Variants in GGNBP2 observed in about 807,000 individuals in gnomAD.
The protein encoded by GGNBP2 is gametogenetin-binding protein 2.
In GGNBP2, 10 loss-of-function variants were observed where a neutral mutation model predicts 85.9. The ratio of observed to expected loss-of-function variants is 0.12; its 90% CI spans 0.07 to 0.20. The LOEUF (loss-of-function observed/expected upper bound fraction) is 0.20. Ranked by LOEUF, GGNBP2 falls within the 10% of genes least tolerant of loss-of-function variation. The probability of loss-of-function intolerance (pLI) is 1.00; values close to 1 mark genes in which losing one functional copy is unlikely to be tolerated. For missense variants in GGNBP2, 595 were observed against 857.8 expected (o/e 0.69, Z 3.83); for synonymous variants, 287 against 285.7 (o/e 1.00, Z -0.05).
chr17:36,555,730 T>A (rs2074355021), intron 3 of GGNBP2, among the ~76,000 whole-genome samples: 1 of 152,212 alleles, frequency 6.6e-6, no homozygotes, highest in South Asian at 2.1e-4. Context: ...ATGTAACCTC[T>A]GCACATCCTC....
Position 36,557,188 on chromosome 17 carries a change from C to T in GGNBP2, c.280C>T (p.Arg94Cys). ...GCTTGTCCCATGTGTTGGTTGTCGTCGCAGTGTGGAGCGTCTCTTTTCCCA... is the reference window on the plus strand; with the variant it reads ...GCTTGTCCCATGTGTTGGTTGTCGTTGCAGTGTGGAGCGTCTCTTTTCCCA... ...SQLVPCVGCRRSVERLFSQLV... is the reference protein window; with the variant it reads ...SQLVPCVGCRCSVERLFSQLV... Residue 94 changes from arginine to cysteine, a missense_variant, in exon 4 of 14, where the codon CGC (arginine) becomes TGC (cysteine). Transcript: ENST00000613102. 1 of 1,614,072 alleles carries T rather than the reference C, an allele frequency of 6.2e-7. No individual in the cohort carries two copies. Among genetic ancestry groups the T allele is most frequent in the Non-Finnish European group, 8.5e-7 (1 of 1,180,020 alleles).
chr17:36,560,686 G>A, intron 4 of GGNBP2, 87 bp from the exon 5 acceptor site: 1 of 755,158 alleles, frequency 1.3e-6, no homozygotes, highest in Non-Finnish European at 2.1e-6. Flanking sequence ...TTTGTTTTGA[G>A]ACTTCTCTCT....
At chr17:36,577,894 A>G (rs762850198) in intron 6 of GGNBP2, 89 bp from the exon 7 acceptor site, 4 of 955,852 alleles carry the variant, frequency 4.2e-6, no homozygotes, top group South Asian at 4.0e-5. Context: ...TGTAGATGGG[A>G]GAGAGTGCCA....
chr17:36,577,770 A>G (rs2074606477), intron 6 of GGNBP2: 2 of 590,246 alleles, frequency 3.4e-6, no homozygotes, highest in South Asian at 4.1e-5. Context: ...GTGTTTCTCT[A>G]GTTTAAAAAT....
chr17:36,555,359 G>A lies in GGNBP2; in HGVS notation c.174+459G>A, dbSNP rs117259234. The stretch of plus-strand genomic sequence containing the variant: ...TCAGTATCCGTGGGGGATAGTTCAA[G>A]GATCCCTAGGCAAACCAAAATCCAC... On this transcript the variant is annotated intron_variant, in intron 3 of 13. Coordinates refer to ENST00000613102, the MANE Select transcript of GGNBP2 (RefSeq NM_024835.5). 8.3e-3 allele frequency among the ~76,000 whole-genome samples: 1,261 copies of A among 152,202 alleles called. 8 individuals are homozygous for A. Among genetic ancestry groups the A allele is most frequent in the Admixed American group, 0.011 (171 of 15,274 alleles).
At chr17:36,554,352 ATTTTTTTTTT>A (rs780217291) in intron 2 of GGNBP2, among the ~76,000 whole-genome samples, 10 of 44,504 alleles carry the variant, frequency 2.2e-4, no homozygotes, top group African/African-American at 7.7e-4. Flanking sequence ...ATGTACTTGA[ATTTTTTTTTT>A]TTTTTTTTTT....
In GGNBP2 at chr17:36,589,440, A is replaced by G. The variant is rs202162958; in HGVS notation, c.*29A>G. Reference sequence around the variant, plus strand: ...AATAAAATAGCTCTGTCTTTCAATGAAACACTCACGATGACTACTGCGCCT... The same window carrying G: ...AATAAAATAGCTCTGTCTTTCAATGGAACACTCACGATGACTACTGCGCCT... On this transcript the variant is annotated 3_prime_UTR_variant, in exon 14 of 14. Coordinates refer to ENST00000613102, the MANE Select transcript of GGNBP2 (RefSeq NM_024835.5). 1.2e-5 allele frequency: 18 copies of G among 1,552,490 alleles called. No individual in the cohort carries two copies. The African/African-American group carries it at 2.4e-4, about 21-fold the overall frequency.
intron 5 of GGNBP2, among the ~76,000 whole-genome samples, chr17:36,566,568 A>G (rs1555605876): frequency 6.6e-6 from 1 of 151,794 alleles, no homozygotes. Context: ...GGTCCTAGCT[A>G]TTCGGGAGGC....
chr17:36,573,687 TTTG>T (rs997570822), intron 6 of GGNBP2, among the ~76,000 whole-genome samples: 8 of 152,140 alleles, frequency 5.3e-5, no homozygotes, highest in Admixed American at 1.3e-4. Context: ...ACACTTGTTA[TTTG>T]TTGTTGTTGT....
intron 6 of GGNBP2, among the ~76,000 whole-genome samples, chr17:36,568,352 A>G (rs756222888): frequency 2.6e-5 from 4 of 151,658 alleles, no homozygotes; most frequent in South Asian, 2.1e-4. Flanking sequence ...GCTGGAGTGC[A>G]GTAGCGAGAC....
chr17:36,550,020 C>T (rs1164950006), intron 2 of GGNBP2, among the ~76,000 whole-genome samples: 4 of 151,994 alleles, frequency 2.6e-5, no homozygotes, highest in Admixed American at 6.6e-5. Flanking sequence ...TCACTGCAAC[C>T]TCCGCCTTCC....
chr17:36,548,533 T>C (rs1012122506), intron 2 of GGNBP2, among the ~76,000 whole-genome samples: 4 of 138,586 alleles, frequency 2.9e-5, no homozygotes, highest in Admixed American at 8.3e-5. Flanking sequence ...GAGAATCCTA[T>C]GAACCCGGGA....
intron 6 of GGNBP2, chr17:36,577,213 A>T (rs1193951136): frequency 2.0e-5 from 3 of 152,190 alleles, no homozygotes; most frequent in Non-Finnish European, 2.9e-5. Context: ...AGATAAAGAA[A>T]CCAGGCTCTA....
At chr17:36,576,212 G>A (rs1237475474) in intron 6 of GGNBP2, among the ~76,000 whole-genome samples, 2 of 117,256 alleles carry the variant, frequency 1.7e-5, no homozygotes, top group Non-Finnish European at 3.5e-5. Flanking sequence ...GGTGGTGGGC[G>A]CATGCAATCC....
At chr17:36,562,906 A>C (rs1462699841) in intron 5 of GGNBP2, among the ~76,000 whole-genome samples, 4 of 127,580 alleles carry the variant, frequency 3.1e-5, no homozygotes, top group Admixed American at 9.7e-5. Context: ...TGGAGGTTGC[A>C]GTGAGCTGAG....
At chr17:36,581,629 C>T in intron 9 of GGNBP2, 91 bp downstream of exon 9, 1 of 965,312 alleles carries the variant, frequency 1.0e-6, no homozygotes, top group Non-Finnish European at 1.5e-6. Context: ...CCTGTGATCC[C>T]AGCACTTTGG....
At chr17:36,565,020 A>G (rs2074454823) in intron 5 of GGNBP2, among the ~76,000 whole-genome samples, 2 of 152,190 alleles carry the variant, frequency 1.3e-5, no homozygotes, top group African/African-American at 4.8e-5. Context: ...AAAGAGAGTA[A>G]AAGAATTCTG....
intron 4 of GGNBP2, among the ~76,000 whole-genome samples, chr17:36,559,221 C>T (rs989890269): frequency 8.3e-5 from 12 of 145,062 alleles, no homozygotes; most frequent in African/African-American, 1.3e-4. Flanking sequence ...CGCTTGAACC[C>T]GGGAGGCGGA....
intron 6 of GGNBP2, among the ~76,000 whole-genome samples, chr17:36,575,742 G>C (rs1422972537): frequency 6.8e-6 from 1 of 146,818 alleles, no homozygotes; most frequent in African/African-American, 2.5e-5. Flanking sequence ...TGCCTCCCGG[G>C]TTCAAGCAAT....
Sources: allele counts gnomAD v4.1 joint callset (sites outside exome capture counted in the v4.1 genomes callset), GRCh38; gene constraint gnomAD v4.1.1; transcripts MANE v1.5; gene names NCBI Gene and HGNC (gene_info 2026-07-23, HGNC 2026-07-21).